The following ZFR variants were observed in gnomAD, a reference collection of about 807,000 sequenced individuals.
ZFR encodes zinc finger RNA-binding protein.
Under a neutral mutation model 130.7 loss-of-function variants are expected in ZFR, and 19 were observed. The ratio of observed to expected loss-of-function variants is 0.15; its 90% CI spans 0.10 to 0.21. ZFR has a LOEUF of 0.21. ZFR is among the 10% of genes least tolerant of loss of function. The pLI, the probability that ZFR is intolerant of heterozygous loss-of-function variation, is 1.00. For synonymous variants in ZFR, 466 were observed against 456.9 expected, an observed-to-expected ratio of 1.02 and a Z score of -0.25; for missense variants, 872 against 1,321.5, an observed-to-expected ratio of 0.66 and a Z score of 5.27.
intron 2 of ZFR, among the ~76,000 whole-genome samples, chr5:32,437,882 C>T (rs1754376470): frequency 6.6e-6 from 1 of 152,012 alleles, no homozygotes; most frequent in South Asian, 2.1e-4. Context: ...ATTACAAGTC[C>T]TTCCTTATCA....
At chr5:32,359,881 C>T (rs925635654) in intron 19 of ZFR, among the ~76,000 whole-genome samples, 6 of 148,840 alleles carry the variant, frequency 4.0e-5, no homozygotes, top group Non-Finnish European at 5.9e-5. Context: ...ACTCAGGAGG[C>T]GGAGGTGAGC....
Position 32,420,061 on chromosome 5 carries a change from T to A in ZFR, c.180A>T (p.Thr60=), listed in dbSNP as rs754237591. ...CCTGATGGACAGTGTAGCTAGCAAC[T>A]GTAGTTGGATGAGAATAGGCTACAC... ...ASGVAYSHPT[T]VASYTVHQAP... is the part of the protein sequence containing the mutation. Residue 60 remains threonine, a synonymous_variant, in exon 3 of 20, where the codon ACA becomes ACT. Transcript: ENST00000265069. The A allele has an allele frequency of 2.6e-5, 42 of 1,610,632 alleles. No homozygotes were observed. Among genetic ancestry groups the A allele is most frequent in the Non-Finnish European group, 3.5e-5 (41 of 1,178,034 alleles).
intron 19 of ZFR, among the ~76,000 whole-genome samples, chr5:32,362,119 C>T (rs1455630025): frequency 6.6e-6 from 1 of 152,070 alleles, no homozygotes; most frequent in African/African-American, 2.4e-5. Context: ...AAGATTGATA[C>T]AAATCATTCC....
intron 5 of ZFR, among the ~76,000 whole-genome samples, chr5:32,414,028 C>T (rs542111985): frequency 3.3e-5 from 5 of 151,588 alleles, no homozygotes; most frequent in South Asian, 2.1e-4. Flanking sequence ...CTGCTCACAC[C>T]GCTCCATTTC....
At position 32,419,923 on chromosome 5, in the gene ZFR, A is replaced by G. The variant is rs781713518; in HGVS notation, c.318T>C (p.Tyr106=). ...AVAAAATAAA[Y]GGYPTAHTAT... ...CTGTGTGTGCAGTGGGGTAGCCTCCATAAGCAGCAGCTGTTGCAGCAGCTG... is the reference window on the plus strand; with the variant it reads ...CTGTGTGTGCAGTGGGGTAGCCTCCGTAAGCAGCAGCTGTTGCAGCAGCTG... The change falls in exon 3 of 20, where the codon TAT becomes TAC. Residue 106 remains tyrosine (Y), a synonymous_variant. Transcript: ENST00000265069. The G allele has an allele frequency of 3.1e-6, 5 of 1,614,010 alleles. No individual in the cohort carries two copies. Among genetic ancestry groups the G allele is most frequent in the Non-Finnish European group, 4.2e-6 (5 of 1,179,986 alleles).
At chr5:32,418,036 G>C (rs1386301616) in intron 3 of ZFR, among the ~76,000 whole-genome samples, 1 of 152,124 alleles carries the variant, frequency 6.6e-6, no homozygotes, top group Non-Finnish European at 1.5e-5. Context: ...CAAGCCGGGC[G>C]GATCATGAGG....
chr5:32,406,988 T>C lies in ZFR; in HGVS notation c.818A>G (p.Tyr273Cys). Residue 273 changes from tyrosine (Y) to cysteine (C), a missense_variant, in exon 6 of 20, where the codon TAT becomes TGT. Tyr to Cys is a radical substitution (Grantham distance 194). Around this residue, in one of 7 missense-constraint regions of ZFR, gnomAD observed 240 missense variants for 441.2 expected, o/e 0.54. Coordinates refer to ENST00000265069, the MANE Select transcript of ZFR (RefSeq NM_016107.5). Reference sequence around the variant, plus strand: ...TTGATAGTAGGAAGATGCAGCTGAATACACTGCTGCTTCATAACCTGAATA... The same window carrying C: ...TTGATAGTAGGAAGATGCAGCTGAACACACTGCTGCTTCATAACCTGAATA... Reference protein sequence around the residue: ...TSYSGYEAAVYSAASSYYQQQ... With the variant: ...TSYSGYEAAVCSAASSYYQQQ... The C allele has an allele frequency of 6.4e-7, 1 of 1,568,090 alleles. No individual in the cohort carries two copies. The highest frequency in any genetic ancestry group is 8.6e-7 in the Non-Finnish European group (1 of 1,164,858).
intron 5 of ZFR, among the ~76,000 whole-genome samples, chr5:32,413,216 C>A (rs1384726728): frequency 6.6e-6 from 1 of 150,388 alleles, no homozygotes; most frequent in Admixed American, 6.6e-5. Context: ...CAAAACAAAA[C>A]AAAAAACAAA....
In ZFR at chr5:32,379,230, C is replaced by G; in HGVS notation, c.2740-20G>C. On this transcript the variant is annotated intron_variant, in intron 16 of 19. Coordinates refer to ENST00000265069, the MANE Select transcript of ZFR (RefSeq NM_016107.5). ...TCTAGCCTTGAGAGCAACATAAAAA[C>G]CAATTGAATTAATCTTAGAAATACT... 6.3e-7 allele frequency: 1 copy of G among 1,594,070 alleles called. No individual in the cohort carries two copies. Among genetic ancestry groups the G allele is most frequent in the Non-Finnish European group, 8.6e-7 (1 of 1,162,132 alleles).
In ZFR at chr5:32,438,253, A is replaced by ATTTTTTTTTTTTTTTTTTTTT. The variant is rs869249272; in HGVS notation, c.137+5955_137+5975dup. 3.8e-4 allele frequency among the ~76,000 whole-genome samples: 23 copies of ATTTTTTTTTTTTTTTTTTTTT among 61,076 alleles called. 6 individuals are homozygous for ATTTTTTTTTTTTTTTTTTTTT. The highest frequency in any genetic ancestry group is 5.7e-4 in the African/African-American group (8 of 13,960). The allele number at this position is 61,076 out of a possible 152,430, so 40.1% of individuals were successfully genotyped here. A position where few individuals can be genotyped will look rare whatever the true frequency, so the allele number is the denominator to read the frequency against. ...AGAATGCTACTGATTTTATCTGAAAATTTTTTTTTTTTTTTTTTTTTTTTT... is the reference window on the plus strand; with the variant it reads ...AGAATGCTACTGATTTTATCTGAAAATTTTTTTTTTTTTTTTTTTTTTTTTTTTTTTTTTTTTTTTTTTTTT... On this transcript the variant is annotated intron_variant, in intron 2 of 19. Coordinates refer to ENST00000265069, the MANE Select transcript of ZFR (RefSeq NM_016107.5).
In ZFR at chr5:32,420,055, A is replaced by T. The variant is rs1370007522; in HGVS notation, c.186T>A (p.Ala62=). ...GVAYSHPTTV[A]SYTVHQAPVA... is the part of the protein sequence containing the mutation. ...CTGGAGCCTGATGGACAGTGTAGCT[A>T]GCAACTGTAGTTGGATGAGAATAGG... The change falls in exon 3 of 20, where the codon GCT becomes GCA. Residue 62 remains alanine, a synonymous_variant. Coordinates refer to ENST00000265069, the MANE Select transcript of ZFR (RefSeq NM_016107.5). 6.2e-7 allele frequency: 1 copy of T among 1,612,088 alleles called. No homozygotes were observed.
chr5:32,385,876 G>C (rs1753035073), intron 14 of ZFR, among the ~76,000 whole-genome samples: 1 of 152,034 alleles, frequency 6.6e-6, no homozygotes, highest in South Asian at 2.1e-4. Flanking sequence ...TTTGTATTGT[G>C]AGTTATTTGT....
At chr5:32,437,344 T>C (rs1303115062) in intron 2 of ZFR, among the ~76,000 whole-genome samples, 3 of 152,142 alleles carry the variant, frequency 2.0e-5, no homozygotes, top group Admixed American at 2.0e-4. Flanking sequence ...AAATATTAAA[T>C]AAGTGAATTA....
intron 17 of ZFR, chr5:32,364,567 A>C (rs989656026): frequency 3.7e-5 from 6 of 161,434 alleles, no homozygotes; most frequent in Admixed American, 1.9e-4. Flanking sequence ...TACAAAAAAA[A>C]CCCCAAAAAA....
intron 11 of ZFR, among the ~76,000 whole-genome samples, chr5:32,392,217 C>T (rs1007832958): frequency 8.5e-5 from 13 of 152,178 alleles, no homozygotes; most frequent in African/African-American, 3.1e-4. Context: ...AGGGCAGGGA[C>T]CTTTATCCAT....
In ZFR at chr5:32,410,283, CA is replaced by C. The variant is rs3065266; in HGVS notation, c.785-3263del. On this transcript the variant is annotated intron_variant, in intron 5 of 19. Coordinates refer to ENST00000265069, the MANE Select transcript of ZFR (RefSeq NM_016107.5). ...GGGTGACACAGCAAGACACTGTCTC[CA>C]AAAAAAAAAAAAAAAAAAAAAAAAA... is the stretch of plus-strand genomic sequence containing the variant. 1.1e-3 allele frequency among the ~76,000 whole-genome samples: 129 copies of C among 113,126 alleles called. 1 individual carries two copies. The highest frequency in any genetic ancestry group is 3.7e-3 in the African/African-American group (110 of 30,064). 74.2% of individuals were successfully genotyped at this position (113,126 alleles called of 152,430 possible).
chr5:32,376,088 C>T (rs1411898695), intron 17 of ZFR, among the ~76,000 whole-genome samples: 4 of 150,214 alleles, frequency 2.7e-5, no homozygotes, highest in Admixed American at 1.3e-4. Flanking sequence ...GTGATCCACC[C>T]GCCTCGGCCT....
At chr5:32,439,798 T>C (rs941998273) in intron 2 of ZFR, among the ~76,000 whole-genome samples, 1 of 109,458 alleles carries the variant, frequency 9.1e-6, no homozygotes, top group African/African-American at 3.9e-5. Flanking sequence ...AGCGAGACCA[T>C]GTCTTTAAAA....
At chr5:32,371,311 A>G (rs1401787446) in intron 17 of ZFR, among the ~76,000 whole-genome samples, 1 of 152,238 alleles carries the variant, frequency 6.6e-6, no homozygotes, top group Non-Finnish European at 1.5e-5. Flanking sequence ...TCAAAGCTGC[A>G]GTGAGCCAGG....
Sources: allele counts gnomAD v4.1 joint callset (sites outside exome capture counted in the v4.1 genomes callset), GRCh38; gene constraint gnomAD v4.1.1; regional missense constraint gnomAD v4.1.1; transcripts MANE v1.5; gene names NCBI Gene and HGNC (gene_info 2026-07-23, HGNC 2026-07-21).